HSPA12A: variants seen among roughly 807,000 people sequenced by gnomAD.
HSPA12A encodes heat shock 70 kDa protein 12A.
Under a neutral mutation model 69.2 loss-of-function variants are expected in HSPA12A, and 28 were observed. The ratio of observed to expected loss-of-function variants is 0.40; its 90% CI spans 0.30 to 0.55. HSPA12A has a LOEUF of 0.55. HSPA12A is among the 20% of genes least tolerant of loss of function. HSPA12A has a pLI of 0.38. For missense variants in HSPA12A, 686 were observed against 900.7 expected (o/e 0.76, Z 3.05); for synonymous variants, 345 against 370.5 (o/e 0.93, Z 0.79).
rs1849134794 is a variant in HSPA12A at position 116,673,254 on chromosome 10, C to T, written c.*1527G>A. On this transcript the variant is annotated 3_prime_UTR_variant, in exon 12 of 12. Coordinates refer to ENST00000369209, the MANE Select transcript of HSPA12A (RefSeq NM_025015.3). The stretch of plus-strand genomic sequence containing the variant: ...GAGAGTGAAGACCCTCCAGTTGGTT[C>T]CTCAGTCAGCTCCGTTCTTGGTGTC... 1 of 151,916 alleles carries T rather than the reference C, an allele frequency of 6.6e-6. No individual in the cohort carries two copies. The highest frequency in any genetic ancestry group is 1.5e-5 in the Non-Finnish European group (1 of 67,982). 9.4% of individuals were successfully genotyped at this position (151,916 alleles called of 1,614,324 possible).
chr10:116,768,565 G>T (rs1221351010), intron 2 of HSPA12A, among the ~76,000 whole-genome samples: 1 of 152,182 alleles, frequency 6.6e-6, no homozygotes, highest in Admixed American at 6.5e-5. Context: ...CCCGGCTGGA[G>T]AGGAGTGGTG....
intron 2 of HSPA12A, among the ~76,000 whole-genome samples, chr10:116,749,259 T>C (rs981045171): frequency 3.9e-5 from 6 of 152,330 alleles, no homozygotes; most frequent in Non-Finnish European, 8.8e-5. Flanking sequence ...TGAGCCTTCC[T>C]CACTTGCTGG....
chr10:116,822,478 T>C (rs1845424036), intron 2 of HSPA12A, among the ~76,000 whole-genome samples: 1 of 152,236 alleles, frequency 6.6e-6, no homozygotes, highest in South Asian at 2.1e-4. Flanking sequence ...AGAATCTTGT[T>C]TCCTTCCTTG....
intron 2 of HSPA12A, among the ~76,000 whole-genome samples, chr10:116,807,443 C>T (rs1336146914): frequency 6.6e-6 from 1 of 152,192 alleles, no homozygotes; most frequent in Admixed American, 6.5e-5. Flanking sequence ...CCTTTGTAAA[C>T]AGTCCCCGTA....
At chr10:116,693,141 C>T (rs1396954139) in intron 5 of HSPA12A, among the ~76,000 whole-genome samples, 12 of 152,282 alleles carry the variant, frequency 7.9e-5, no homozygotes, top group African/African-American at 2.4e-4. Flanking sequence ...GTGATGCTTA[C>T]CAGCCGGTGG....
rs111376360 is a variant in HSPA12A, at chr10:116,770,344, C to T, written c.92-63059G>A. 7.4e-3 allele frequency among the ~76,000 whole-genome samples: 1,130 copies of T among 152,290 alleles called. 13 individuals carry two copies. Among genetic ancestry groups the T allele is most frequent in the African/African-American group, 0.026 (1,074 of 41,546 alleles). On this transcript the variant is annotated intron_variant, in intron 2 of 12. Transcript: ENST00000635765. Reference sequence around the variant, plus strand: ...TTCCTGCAGACCCGCCAGTACAGACCGAAGGGGCAGATGTGGGGAGGTCCC... The same window carrying T: ...TTCCTGCAGACCCGCCAGTACAGACTGAAGGGGCAGATGTGGGGAGGTCCC...
intron 1 of HSPA12A, among the ~76,000 whole-genome samples, chr10:116,721,187 T>C (rs1448931885): frequency 3.9e-5 from 6 of 152,248 alleles, no homozygotes; most frequent in Non-Finnish European, 7.3e-5. Context: ...TAAGTATGCA[T>C]GGCAAAATTT....
chr10:116,849,374 G>C, intron 1 of HSPA12A: 1 of 671,728 alleles, frequency 1.5e-6, no homozygotes, highest in East Asian at 3.4e-5. Flanking sequence ...ATGCCGCAGG[G>C]AGAAAAGACA....
At chr10:116,823,229 T>A (rs1335989918) in intron 2 of HSPA12A, among the ~76,000 whole-genome samples, 1 of 152,130 alleles carries the variant, frequency 6.6e-6, no homozygotes, top group Non-Finnish European at 1.5e-5. Flanking sequence ...GAATAAAATA[T>A]TTAGGAATGC....
At chr10:116,766,995 G>A (rs1463812890) in intron 2 of HSPA12A, among the ~76,000 whole-genome samples, 4 of 152,182 alleles carry the variant, frequency 2.6e-5, no homozygotes, top group African/African-American at 9.7e-5. Context: ...GCAGTCCCCA[G>A]GGAACTGAGG....
rs970577105 is a variant in HSPA12A, at chr10:116,799,796, C to T, written c.91+35139G>A. Among the ~76,000 whole-genome samples the T allele has an allele frequency of 7.2e-5, 11 of 152,286 alleles. No homozygotes were observed. In the South Asian group the frequency reaches 1.0e-3, roughly 14 times the overall value. ...TGCTTCACACCAGGTAGGTGCTCAG[C>T]GCGTGCTTAGTGAGCAACCCACTCC... On this transcript the variant is annotated intron_variant, in intron 2 of 12. Transcript: ENST00000635765.
intron 1 of HSPA12A, among the ~76,000 whole-genome samples, chr10:116,839,345 C>G (rs1001147778): frequency 1.3e-5 from 2 of 152,160 alleles, no homozygotes; most frequent in African/African-American, 4.8e-5. Flanking sequence ...ACGAAGACCC[C>G]GGCTCTTCTT....
rs372674438 is a variant in HSPA12A at position 116,748,316 on chromosome 10, G to GGAGAAGGAA, written c.92-41032_92-41031insTTCCTTCTC. ...GGCAGCATACAGCTGAGGAGAAGGA[G>GGAGAAGGAA]ACCAATGACCTAGAATAAGGGTGTT... On this transcript the variant is annotated intron_variant, in intron 2 of 12. Transcript: ENST00000635765. 6.8e-3 allele frequency among the ~76,000 whole-genome samples: 1,036 copies of GGAGAAGGAA among 152,304 alleles called. 15 individuals carry two copies. The highest frequency in any genetic ancestry group is 0.024 in the African/African-American group (1,005 of 41,568).
At chr10:116,701,387 C>T (rs1204776957) in intron 3 of HSPA12A, among the ~76,000 whole-genome samples, 1 of 152,258 alleles carries the variant, frequency 6.6e-6, no homozygotes, top group Admixed American at 6.5e-5. Context: ...CTACTCTAAG[C>T]ATCTACATGT....
chr10:116,819,586 T>G (rs192626215), intron 2 of HSPA12A, among the ~76,000 whole-genome samples: 1 of 152,144 alleles, frequency 6.6e-6, no homozygotes, highest in African/African-American at 2.4e-5. Context: ...AATCAGTTGG[T>G]GTCTTGATTT....
intron 2 of HSPA12A, among the ~76,000 whole-genome samples, chr10:116,822,900 A>G (rs1312220732): frequency 1.3e-5 from 2 of 152,222 alleles, no homozygotes; most frequent in Non-Finnish European, 2.9e-5. Context: ...TCTGGCACCC[A>G]AGAGCTACTT....
In HSPA12A at chr10:116,674,530, T is replaced by A; in HGVS notation, c.*251A>T. ...GTGGCCATTTCACCACTTTTGTACC[T>A]ATGAAAACTAGCTGCTCCTCCAGGA... is the stretch of plus-strand genomic sequence containing the variant. On this transcript the variant is annotated 3_prime_UTR_variant, in exon 12 of 12. Transcript: ENST00000369209. 1.9e-6 allele frequency: 1 copy of A among 533,216 alleles called. No individual in the cohort carries two copies. The highest frequency in any genetic ancestry group is 3.4e-6 in the Non-Finnish European group (1 of 297,578). 33.0% of individuals were successfully genotyped at this position (533,216 alleles called of 1,614,324 possible). A position where few individuals can be genotyped will look rare whatever the true frequency, so the allele number is the denominator to read the frequency against.
chr10:116,780,680 T>G (rs1554891720), intron 2 of HSPA12A, among the ~76,000 whole-genome samples: 3 of 152,222 alleles, frequency 2.0e-5, no homozygotes, highest in Non-Finnish European at 4.4e-5. Flanking sequence ...TATCAAATCC[T>G]TTTAAAAATT....
At chr10:116,733,956 A>T (rs1292592307) in intron 1 of HSPA12A, among the ~76,000 whole-genome samples, 1 of 152,128 alleles carries the variant, frequency 6.6e-6, no homozygotes, top group African/African-American at 2.4e-5. Flanking sequence ...TTTTCCTACA[A>T]ATCTTCACAT....
Sources: gnomAD v4.1 joint callset for allele counts (sites outside exome capture counted in the v4.1 genomes callset) on GRCh38, gnomAD v4.1.1 for gene constraint, MANE v1.5 for transcripts, NCBI Gene and HGNC (gene_info 2026-07-23, HGNC 2026-07-21) for gene names.